Variants in TGFBR3 observed in about 807,000 individuals in gnomAD.
TGFBR3 encodes the protein transforming growth factor beta receptor type 3.
Under a neutral mutation model 87.9 loss-of-function variants are expected in TGFBR3, and 46 were observed. The observed-to-expected ratio is 0.52, with a 90% CI of 0.41 to 0.67. The LOEUF (loss-of-function observed/expected upper bound fraction) is 0.67, where lower values mean the gene tolerates loss of function less well. TGFBR3 is among the 30% of genes least tolerant of loss of function. The pLI is 0.00. For synonymous variants in TGFBR3, 381 were observed against 391.6 expected, an observed-to-expected ratio of 0.97 and a Z score of 0.32; for missense variants, 866 against 1,041.9, an observed-to-expected ratio of 0.83 and a Z score of 2.32.
At chr1:91,888,530 C>T (rs1679382112), upstream of TGFBR3, among the ~76,000 whole-genome samples, 1 of 151,946 alleles carries the variant, frequency 6.6e-6, no homozygotes, top group Non-Finnish European at 1.5e-5. Flanking sequence ...TGGTGAAACC[C>T]CATCTCAACT....
intron 1 of TGFBR3, among the ~76,000 whole-genome samples, chr1:91,902,145 T>A (rs1243723259): frequency 6.6e-6 from 1 of 152,156 alleles, no homozygotes; most frequent in Non-Finnish European, 1.5e-5. Flanking sequence ...CCCAAAGACA[T>A]ATGTTTAATA....
chr1:91,856,879 T>A (rs769925811), intron 2 of TGFBR3, among the ~76,000 whole-genome samples: 1 of 152,186 alleles, frequency 6.6e-6, no homozygotes, highest in Non-Finnish European at 1.5e-5. Flanking sequence ...TAGAGAAGGA[T>A]CTAGTGGTTG....
In TGFBR3 at chr1:91,725,132, T is replaced by C. The variant is rs925009359; in HGVS notation, c.885+2527A>G. On this transcript the variant is annotated intron_variant, in intron 7 of 16. Transcript: ENST00000212355. ...AAAGAGCCAGAGCTGGACAAGGCAA[T>C]GTAGACACCTCCAATGTTCCCATTC... Among the ~76,000 whole-genome samples the C allele has an allele frequency of 2.0e-5, 3 of 152,282 alleles. No homozygotes were observed. The East Asian group carries it at 5.8e-4, about 29-fold the overall frequency.
intron 1 of TGFBR3, chr1:91,864,018 T>C (rs1259193682): frequency 2.0e-5 from 3 of 152,214 alleles, no homozygotes; most frequent in Admixed American, 2.0e-4. Context: ...CCTGCCTATA[T>C]AATAATTTTG....
chr1:91,867,751 G>A (rs1438708367), intron 1 of TGFBR3, among the ~76,000 whole-genome samples: 1 of 152,080 alleles, frequency 6.6e-6, no homozygotes, highest in Non-Finnish European at 1.5e-5. Context: ...ATAAAGAACT[G>A]TATTTGGGGG....
chr1:91,747,868 T>C (rs915304412), intron 4 of TGFBR3, among the ~76,000 whole-genome samples: 4 of 152,242 alleles, frequency 2.6e-5, no homozygotes, highest in African/African-American at 7.2e-5. Context: ...TGAGCTGCCC[T>C]TCCTGAAGGC....
At chr1:91,684,365 C>T (rs772604903) in intron 16 of TGFBR3, among the ~76,000 whole-genome samples, 1 of 152,210 alleles carries the variant, frequency 6.6e-6, no homozygotes, top group Non-Finnish European at 1.5e-5. Flanking sequence ...AGACTTTGTC[C>T]TAGCTACAGT....
At chr1:91,854,710 T>C (rs905205391) in intron 2 of TGFBR3, among the ~76,000 whole-genome samples, 7 of 152,156 alleles carry the variant, frequency 4.6e-5, no homozygotes, top group African/African-American at 1.7e-4. Context: ...ATGTACACCA[T>C]AAATATATAC....
chr1:91,861,583 C>CACAGACAATCTTTGCAAATCAG lies in TGFBR3; in HGVS notation c.-74_-53dup, dbSNP rs1214441496. 1 of 1,423,808 alleles carries CACAGACAATCTTTGCAAATCAG rather than the reference C, an allele frequency of 7.0e-7. No individual in the cohort carries two copies. The highest frequency in any genetic ancestry group is 1.4e-5 in the African/African-American group (1 of 71,102). The allele number at this position is 1,423,808 out of a possible 1,614,324, so 88.2% of individuals were successfully genotyped here. On this transcript the variant is annotated 5_prime_UTR_variant, in exon 2 of 17. Transcript: ENST00000212355. ...TCCAGTCACTTCAGCCTGCTCAGAGCACAGACAATCTTTGCAAATCAGAAG... is the reference window on the plus strand; with the variant it reads ...TCCAGTCACTTCAGCCTGCTCAGAGCACAGACAATCTTTGCAAATCAGACAGACAATCTTTGCAAATCAGAAG...
At chr1:91,688,499 A>G (rs1486603669) in intron 16 of TGFBR3, among the ~76,000 whole-genome samples, 1 of 152,202 alleles carries the variant, frequency 6.6e-6, no homozygotes, top group Non-Finnish European at 1.5e-5. Flanking sequence ...ACACAGAGAT[A>G]ATCACTACTT....
rs963346997 is a variant in TGFBR3, at chr1:91,716,766, G to A, written c.1567-58C>T. The A allele has an allele frequency of 4.3e-5, 69 of 1,600,800 alleles. 1 individual carries two copies. Among genetic ancestry groups the A allele is most frequent in the Middle Eastern group, 1.6e-4 (1 of 6,064 alleles). ...AAAAACACCAAACCATGTGTGTTTG[G>A]TTCTGCCTCACACAAACACTCATGT... On this transcript the variant is annotated intron_variant, in intron 10 of 16. Coordinates refer to ENST00000212355, the MANE Select transcript of TGFBR3 (RefSeq NM_003243.5).
chr1:91,706,095 T>C (rs181426282), intron 14 of TGFBR3, among the ~76,000 whole-genome samples: 1 of 152,354 alleles, frequency 6.6e-6, no homozygotes, highest in Admixed American at 6.5e-5. Flanking sequence ...CTAGCAGAAT[T>C]ACCTCTCTCA....
At chr1:91,841,301 C>T (rs1363684027) in intron 2 of TGFBR3, among the ~76,000 whole-genome samples, 1 of 152,302 alleles carries the variant, frequency 6.6e-6, no homozygotes, top group Non-Finnish European at 1.5e-5. Context: ...ATGCAACATA[C>T]GTACCTCCCA....
chr1:91,886,805 C>T (rs940538172), upstream of TGFBR3, among the ~76,000 whole-genome samples: 2 of 152,050 alleles, frequency 1.3e-5, no homozygotes, highest in African/African-American at 4.8e-5. Flanking sequence ...CCCCTGCTAG[C>T]TAAATAAATT....
At chr1:91,739,252 T>A (rs1312045520) in intron 4 of TGFBR3, among the ~76,000 whole-genome samples, 1 of 152,064 alleles carries the variant, frequency 6.6e-6, no homozygotes, top group African/African-American at 2.4e-5. Flanking sequence ...TTAGTAGACT[T>A]CCGGAATAAT....
chr1:91,873,341 G>A (rs1678662117), intron 1 of TGFBR3, among the ~76,000 whole-genome samples: 1 of 138,684 alleles, frequency 7.2e-6, no homozygotes, highest in Admixed American at 7.8e-5. Flanking sequence ...GTAGTGCAGT[G>A]GCACTATCTC....
intron 2 of TGFBR3, among the ~76,000 whole-genome samples, chr1:91,818,277 CCTTTTTTTTTTT>C (rs1676310572): frequency 8.1e-6 from 1 of 123,142 alleles, no homozygotes; most frequent in African/African-American, 2.9e-5. Context: ...TTAGCCCCAG[CCTTTTTTTTTTT>C]TTTTTTTTTT....
chr1:91,812,134 C>T (rs979365255), intron 2 of TGFBR3, among the ~76,000 whole-genome samples: 3 of 152,140 alleles, frequency 2.0e-5, no homozygotes, highest in African/African-American at 7.2e-5. Flanking sequence ...CCTTGCATGC[C>T]ATTTCCTCCA....
chr1:91,705,480 C>A (rs955472639), intron 14 of TGFBR3, among the ~76,000 whole-genome samples: 1 of 152,038 alleles, frequency 6.6e-6, no homozygotes, highest in Admixed American at 6.5e-5. Context: ...CCACTCGCCT[C>A]GGCCTCCCAA....
Sources: allele counts gnomAD v4.1 joint callset (sites outside exome capture counted in the v4.1 genomes callset), GRCh38; gene constraint gnomAD v4.1.1; transcripts MANE v1.5; gene names NCBI Gene and HGNC (gene_info 2026-07-23, HGNC 2026-07-21).